The following CTNND2 variants were observed in gnomAD, a reference collection of about 807,000 sequenced individuals.
CTNND2 encodes the protein catenin delta 2.
In CTNND2, 22 loss-of-function variants were observed where a neutral mutation model predicts 144.4. The ratio of observed to expected loss-of-function variants is 0.15; its 90% confidence interval spans 0.11 to 0.22. The LOEUF (loss-of-function observed/expected upper bound fraction) is 0.22, where lower values mean the gene tolerates loss of function less well. Ranked by LOEUF, CTNND2 falls within the 10% of genes least tolerant of loss-of-function variation. The pLI, the probability that CTNND2 is intolerant of heterozygous loss-of-function variation, is 1.00. For synonymous variants in CTNND2, 751 were observed against 695.6 expected, an observed-to-expected ratio of 1.08 and a Z score of -1.25; for missense variants, 1,353 against 1,618.8, an observed-to-expected ratio of 0.84 and a Z score of 2.82.
At chr5:11,078,221 G>T (rs566308180) in intron 16 of CTNND2, among the ~76,000 whole-genome samples, 2 of 152,216 alleles carry the variant, frequency 1.3e-5, no homozygotes, top group South Asian at 2.1e-4. Context: ...AGTCACTGCA[G>T]CTTTCTTCTG....
chr5:11,240,383 C>CACACAAACACACACCCA (rs1393747686), intron 9 of CTNND2, among the ~76,000 whole-genome samples: 3 of 22,102 alleles, frequency 1.4e-4, no homozygotes, highest in Non-Finnish European at 8.2e-5. Context: ...CACACACATA[C>CACACAAACACACACCCA]ACTCACACAC....
intron 1 of CTNND2, among the ~76,000 whole-genome samples, chr5:11,853,553 C>T (rs1313931029): frequency 6.6e-6 from 1 of 152,162 alleles, no homozygotes; most frequent in African/African-American, 2.4e-5. Flanking sequence ...CTCCTAGATC[C>T]ACCTGCCTAC....
chr5:11,699,944 T>C (rs1396816506), intron 2 of CTNND2, among the ~76,000 whole-genome samples: 1 of 152,334 alleles, frequency 6.6e-6, no homozygotes, highest in Non-Finnish European at 1.5e-5. Context: ...GGGAGTCGGA[T>C]ACTTGGTAGA....
chr5:11,498,405 G>A (rs1271303809), intron 3 of CTNND2, among the ~76,000 whole-genome samples: 3 of 152,132 alleles, frequency 2.0e-5, no homozygotes, highest in Non-Finnish European at 2.9e-5. Flanking sequence ...AAGATGGCTT[G>A]TTAGGCCATG....
chr5:11,547,605 C>T (rs966620131), intron 3 of CTNND2, among the ~76,000 whole-genome samples: 1 of 152,022 alleles, frequency 6.6e-6, no homozygotes, highest in African/African-American at 2.4e-5. Flanking sequence ...ATGCTGAAGA[C>T]ATGATTAGGC....
intron 12 of CTNND2, among the ~76,000 whole-genome samples, chr5:11,156,876 C>T (rs546965893): frequency 1.4e-4 from 22 of 152,282 alleles, no homozygotes; most frequent in African/African-American, 5.1e-4. Context: ...ATGTTGGCCA[C>T]ATGGATGCCA....
At chr5:11,520,091 G>A (rs1239030678) in intron 3 of CTNND2, among the ~76,000 whole-genome samples, 1 of 148,828 alleles carries the variant, frequency 6.7e-6, no homozygotes, top group African/African-American at 2.5e-5. Context: ...AGGTTGCAAT[G>A]AGCCGAGATC....
In CTNND2 at chr5:11,761,708, A is replaced by G. The variant is rs986606109; in HGVS notation, c.38-29436T>C. Among the ~76,000 whole-genome samples the G allele has an allele frequency of 2.6e-5, 4 of 151,942 alleles. No homozygotes were observed. In the South Asian group the frequency reaches 8.3e-4, roughly 31 times the overall value. On this transcript the variant is annotated intron_variant, in intron 1 of 21. Coordinates refer to ENST00000304623, the MANE Select transcript of CTNND2 (RefSeq NM_001332.4). ...TGCAGAGGATGAAGCTTGTGTGAATACAGGAAACTCTGTTTTGGCTGTAAA... is the reference window on the plus strand; with the variant it reads ...TGCAGAGGATGAAGCTTGTGTGAATGCAGGAAACTCTGTTTTGGCTGTAAA...
intron 1 of CTNND2, among the ~76,000 whole-genome samples, chr5:11,743,094 T>C (rs954579331): frequency 3.9e-5 from 6 of 152,206 alleles, no homozygotes; most frequent in African/African-American, 1.4e-4. Flanking sequence ...GTAATAGTTG[T>C]CAAAACTATA....
intron 14 of CTNND2, among the ~76,000 whole-genome samples, chr5:11,101,015 A>C (rs1751828211): frequency 6.6e-6 from 1 of 152,186 alleles, no homozygotes; most frequent in South Asian, 2.1e-4. Context: ...ATCCTTTCTT[A>C]ATGGCTACAG....
intron 12 of CTNND2, among the ~76,000 whole-genome samples, chr5:11,147,253 C>G (rs1757328420): frequency 6.6e-6 from 1 of 152,110 alleles, no homozygotes; most frequent in South Asian, 2.1e-4. Context: ...AGTTCTGGAT[C>G]AAAAGCCCAG....
At chr5:11,313,900 G>A (rs528802421) in intron 9 of CTNND2, among the ~76,000 whole-genome samples, 210 of 152,214 alleles carry the variant, frequency 1.4e-3, no homozygotes, top group Middle Eastern at 6.8e-3. Context: ...GAGGAAGAGC[G>A]AGCAAATGGG....
chr5:11,108,252 C>T (rs1752616348), intron 14 of CTNND2, among the ~76,000 whole-genome samples: 1 of 152,166 alleles, frequency 6.6e-6, no homozygotes, highest in Non-Finnish European at 1.5e-5. Context: ...TCTGCGGGAT[C>T]CTAAGACAGG....
At chr5:11,668,250 C>CT (rs1328796212) in intron 2 of CTNND2, among the ~76,000 whole-genome samples, 3 of 152,170 alleles carry the variant, frequency 2.0e-5, no homozygotes, top group Non-Finnish European at 4.4e-5. Context: ...TATGTGGGCT[C>CT]TTTTTTGGTT....
intron 11 of CTNND2, among the ~76,000 whole-genome samples, chr5:11,174,993 A>G (rs998582272): frequency 2.6e-5 from 4 of 152,206 alleles, no homozygotes; most frequent in African/African-American, 9.6e-5. Flanking sequence ...GCATTTATCT[A>G]TTAACTAACC....
intron 15 of CTNND2, among the ~76,000 whole-genome samples, chr5:11,095,351 T>C (rs1388201151): frequency 2.6e-5 from 4 of 152,206 alleles, no homozygotes; most frequent in South Asian, 2.1e-4. Context: ...TCTATCAATT[T>C]TACATTGTAT....
intron 9 of CTNND2, among the ~76,000 whole-genome samples, chr5:11,309,878 T>C (rs1371212747): frequency 6.6e-6 from 1 of 152,054 alleles, no homozygotes; most frequent in Admixed American, 6.5e-5. Context: ...TGAGTTCTCA[T>C]GTGTGGCACC....
At chr5:11,193,834 G>A (rs955459369) in intron 11 of CTNND2, among the ~76,000 whole-genome samples, 2 of 152,196 alleles carry the variant, frequency 1.3e-5, no homozygotes, top group Admixed American at 1.3e-4. Context: ...CATGCAGGGT[G>A]CTTCATTAAT....
chr5:11,131,254 TCAC>T (rs1755565367), intron 12 of CTNND2, among the ~76,000 whole-genome samples: 1 of 152,164 alleles, frequency 6.6e-6, no homozygotes, highest in African/African-American at 2.4e-5. Flanking sequence ...AATATTCACT[TCAC>T]CAAGCAGTTG....
Sources: gnomAD v4.1 joint callset for allele counts (sites outside exome capture counted in the v4.1 genomes callset) on GRCh38, gnomAD v4.1.1 for gene constraint, MANE v1.5 for transcripts, NCBI Gene and HGNC (gene_info 2026-07-23, HGNC 2026-07-21) for gene names.